LINGO3: variants seen among roughly 807,000 people sequenced by gnomAD.
LINGO3 encodes leucine rich repeat and Ig domain containing 3.
For missense variants in LINGO3, 750 were observed against 867.7 expected (o/e 0.86, Z 1.70); for synonymous variants, 427 against 444.2 (o/e 0.96, Z 0.49).
chr19:2,307,125 C>T, the LINGO3 span, among the ~76,000 whole-genome samples: 3 of 152,168 alleles, frequency 2.0e-5, no homozygotes. Flanking sequence ...CAGATCGTCC[C>T]TCTGCAAATA....
chr19:2,288,138 G>A (rs1014800970), downstream of LINGO3, among the ~76,000 whole-genome samples: 3 of 152,190 alleles, frequency 2.0e-5, no homozygotes, highest in South Asian at 2.1e-4. This position sits in a 1 kb window ranked among gnomAD's most constrained non-coding sequence, Gnocchi z 6.5. Context: ...GCAACCGGGC[G>A]GTGACCTCAG....
At chr19:2,303,787 G>T in the LINGO3 span, among the ~76,000 whole-genome samples, 3 of 152,240 alleles carry the variant, frequency 2.0e-5, no homozygotes, top group East Asian at 1.9e-4. Flanking sequence ...CCCACACGCA[G>T]AGCTGTGGCC....
chr19:2,288,007 G>T (rs1269061910), downstream of LINGO3, among the ~76,000 whole-genome samples: 4 of 152,230 alleles, frequency 2.6e-5, no homozygotes, highest in African/African-American at 9.6e-5. The surrounding 1 kb of genome is among the most constrained non-coding windows in gnomAD (Gnocchi z 6.5). Context: ...GGCAAGAACT[G>T]GCTGTGAGGA....
rs2025513325 is a variant in LINGO3, at chr19:2,290,944, G to C, written c.833C>G (p.Ser278Trp). The change falls in exon 1 of 1, where the codon TCG becomes TGG. Residue 278 changes from serine to tryptophan, a missense_variant. Transcript: ENST00000585527. This position sits in a 1 kb window ranked among gnomAD's most constrained non-coding sequence, Gnocchi z 6.0. ...CGGCACCGTGCTGATGGGGTTGTGC[G>C]ACAGATTGAGGCAGGTGAGGTGCGC... 27 of 1,611,838 alleles carry C rather than the reference G, an allele frequency of 1.7e-5. No individual in the cohort carries two copies. The highest frequency in any genetic ancestry group is 2.0e-5 in the Non-Finnish European group (24 of 1,179,526).
chr19:2,297,040 T>A, the LINGO3 span, among the ~76,000 whole-genome samples: 3 of 150,786 alleles, frequency 2.0e-5, no homozygotes, highest in Non-Finnish European at 4.4e-5. Context: ...TGCAGTGAGC[T>A]GAGATCACGC....
the LINGO3 span, among the ~76,000 whole-genome samples, chr19:2,303,104 AAGCCCCGTCCCCTTCAGCAGTCACTCCC>A: frequency 3.3e-5 from 5 of 152,106 alleles, no homozygotes; most frequent in Admixed American, 1.3e-4. Context: ...CCCCAAAAGG[AAGCCCCGTCCCCTTCAGCAGTCACTCCC>A]AGCCCCTCCC....
At chr19:2,297,112 A>G in the LINGO3 span, among the ~76,000 whole-genome samples, 1 of 151,468 alleles carries the variant, frequency 6.6e-6, no homozygotes, top group African/African-American at 2.4e-5. Flanking sequence ...AAAAAAGAAG[A>G]AGAATAAAGT....
At chr19:2,302,340 C>T in the LINGO3 span, among the ~76,000 whole-genome samples, 2 of 152,170 alleles carry the variant, frequency 1.3e-5, no homozygotes, top group Non-Finnish European at 2.9e-5. Flanking sequence ...GGATGACAGG[C>T]CCTGAGCCAC....
At chr19:2,293,363 CTT>C (rs753063214), upstream of LINGO3, among the ~76,000 whole-genome samples, 15 of 132,930 alleles carry the variant, frequency 1.1e-4, no homozygotes, top group Non-Finnish European at 1.3e-4. Context: ...CGCGCCTGGC[CTT>C]TTTTTTTTTT....
chr19:2,306,784 G>T, the LINGO3 span, among the ~76,000 whole-genome samples: 1 of 151,988 alleles, frequency 6.6e-6, no homozygotes, highest in African/African-American at 2.4e-5. Context: ...CCCCCTTCCT[G>T]CCACCCCACA....
At chr19:2,296,391 G>T (rs2145092713), upstream of LINGO3, among the ~76,000 whole-genome samples, 1 of 152,174 alleles carries the variant, frequency 6.6e-6, no homozygotes, top group African/African-American at 2.4e-5. Context: ...AAGGCGGGGG[G>T]ATCACTGGAG....
upstream of LINGO3, among the ~76,000 whole-genome samples, chr19:2,295,353 G>A (rs2025563587): frequency 2.0e-5 from 3 of 152,246 alleles, no homozygotes; most frequent in South Asian, 6.2e-4. Context: ...CCGGAAGCTG[G>A]AAGAGTCAGA....
exon 1 of LINGO3, chr19:2,289,957 C>A (rs1220636360): frequency 2.1e-6 from 3 of 1,461,538 alleles, no homozygotes; most frequent in Non-Finnish European, 2.7e-6. Flanking sequence ...GAGCGGCCGG[C>A]CCGCGGGGGA....
chr19:2,291,847 G>C, exon 1 of LINGO3: 1 of 1,347,760 alleles, frequency 7.4e-7, no homozygotes, highest in Non-Finnish European at 1.0e-6. Context: ...GGAGCGGGCA[G>C]CGTTAGCACC....
downstream of LINGO3, among the ~76,000 whole-genome samples, chr19:2,289,076 C>T (rs565289982): frequency 1.2e-4 from 17 of 146,876 alleles, no homozygotes; most frequent in East Asian, 3.3e-3. Context: ...TGAGCTGTAT[C>T]CCGGGTGTGA....
the LINGO3 span, among the ~76,000 whole-genome samples, chr19:2,303,538 C>T: frequency 6.6e-6 from 1 of 152,188 alleles, no homozygotes; most frequent in African/African-American, 2.4e-5. Context: ...GGCAAAACCA[C>T]ACGGGGCACT....
chr19:2,289,523 T>C (rs2025496954), downstream of LINGO3, among the ~76,000 whole-genome samples: 1 of 152,052 alleles, frequency 6.6e-6, no homozygotes, highest in African/African-American at 2.4e-5. Flanking sequence ...CACCCTCCCC[T>C]TGGGGCTGTG....
In LINGO3 at chr19:2,290,815, C is replaced by T. The variant is rs2025511281; in HGVS notation, c.962G>A (p.Arg321His). Reference sequence around the variant, plus strand: ...CAGGTTGTTGGAGAGGTTGAGCAGGCGGATCTGGCGCAGGCCCAGGAAGGC... The same window carrying T: ...CAGGTTGTTGGAGAGGTTGAGCAGGTGGATCTGGCGCAGGCCCAGGAAGGC... The change falls in exon 1 of 1, where the codon CGC becomes CAC. Residue 321 changes from arginine to histidine, a missense_variant. Arg to His is a conservative substitution (Grantham distance 29). Coordinates refer to ENST00000585527, the Ensembl canonical transcript of LINGO3. This position sits in a 1 kb window ranked among gnomAD's most constrained non-coding sequence, Gnocchi z 6.0. The T allele has an allele frequency of 6.2e-7, 1 of 1,612,488 alleles. No individual in the cohort carries two copies. The highest frequency in any genetic ancestry group is 8.5e-7 in the Non-Finnish European group (1 of 1,179,616).
chr19:2,289,873 A>T, exon 1 of LINGO3: 1 of 772,000 alleles, frequency 1.3e-6, no homozygotes. Flanking sequence ...GTCTACAAAA[A>T]AAGGGGAAGT....
Sources: allele counts gnomAD v4.1 joint callset (sites outside exome capture counted in the v4.1 genomes callset), GRCh38; gene constraint gnomAD v4.1.1; non-coding constraint Gnocchi (gnomAD v3.1); transcripts MANE v1.5; gene names NCBI Gene and HGNC (gene_info 2026-07-23, HGNC 2026-07-21).